ZNF713: variants seen among roughly 807,000 people sequenced by gnomAD.
ZNF713 encodes zinc finger protein 713.
In ZNF713, 21 loss-of-function variants were observed where a neutral mutation model predicts 28.7. The ratio of observed to expected loss-of-function variants is 0.73; its 90% CI spans 0.52 to 1.05. The LOEUF is 1.05. ZNF713 is among the 50% of genes least tolerant of loss of function. The pLI is 0.00. For missense variants in ZNF713, 458 were observed against 532.4 expected, an observed-to-expected ratio of 0.86 and a Z score of 1.37; for synonymous variants, 167 against 178.0, an observed-to-expected ratio of 0.94 and a Z score of 0.49.
chr7:55,919,101 G>A (rs1785937074), intron 4 of ZNF713, among the ~76,000 whole-genome samples: 2 of 152,122 alleles, frequency 1.3e-5, no homozygotes. Flanking sequence ...GGCAGTTTCT[G>A]GCTGCCTAAA....
In ZNF713 at chr7:55,899,439, G is replaced by A. The variant is rs947763942; in HGVS notation, c.-582-6814G>A. Among the ~76,000 whole-genome samples the A allele has an allele frequency of 4.1e-5, 6 of 145,870 alleles. No individual in the cohort carries two copies. The South Asian group carries it at 6.9e-4, about 17-fold the overall frequency. On this transcript the variant is annotated intron_variant, in intron 1 of 6. Transcript: ENST00000429591. The stretch of plus-strand genomic sequence containing the variant: ...CAGCACTTTGGGAGGCCGAGGGGGG[G>A]GGGGGGGTTGATCACAAGGTCAGGA...
At chr7:55,937,326 A>ATTAAAT (rs1346540900) in intron 6 of ZNF713, among the ~76,000 whole-genome samples, 11 of 151,958 alleles carry the variant, frequency 7.2e-5, no homozygotes, top group African/African-American at 2.4e-4. Context: ...TAAAATTAAA[A>ATTAAAT]TTAAAAAAAA....
intron 1 of ZNF713, among the ~76,000 whole-genome samples, chr7:55,900,215 C>T (rs564234756): frequency 6.6e-5 from 10 of 152,146 alleles, no homozygotes; most frequent in African/African-American, 9.7e-5. Context: ...CCCCTGTAAT[C>T]GCAGCACTTT....
chr7:55,930,422 G>T (rs886906603), intron 6 of ZNF713, among the ~76,000 whole-genome samples: 1 of 152,208 alleles, frequency 6.6e-6, no homozygotes, highest in Non-Finnish European at 1.5e-5. Context: ...CACATACCTT[G>T]TTTGGTGTTG....
intron 4 of ZNF713, among the ~76,000 whole-genome samples, chr7:55,920,070 T>C (rs1785967139): frequency 6.6e-6 from 1 of 152,160 alleles, no homozygotes; most frequent in South Asian, 2.1e-4. Flanking sequence ...CACAGCAATA[T>C]TGAAATTAGG....
intron 2 of ZNF713, among the ~76,000 whole-genome samples, chr7:55,909,973 G>A (rs962929055): frequency 7.9e-6 from 1 of 126,914 alleles, no homozygotes; most frequent in Non-Finnish European, 1.8e-5. Context: ...ATACGTTTAT[G>A]TGTGTGTGTG....
At chr7:55,926,922 G>C (rs2116248123) in intron 6 of ZNF713, among the ~76,000 whole-genome samples, 1 of 152,266 alleles carries the variant, frequency 6.6e-6, no homozygotes, top group South Asian at 2.1e-4. Flanking sequence ...TGGATCACAA[G>C]GTCAGGAGTT....
chr7:55,939,428 G>T lies in ZNF713; in HGVS notation c.754G>T (p.Asp252Tyr), dbSNP rs1156660469. The part of the protein sequence containing the change: ...KIFNQHILLT[D>Y]HIHTAEKPSE... ...CTTCAATCAACATATTCTTCTTACTGATCATATTCATACTGCAGAGAAACC... is the reference window on the plus strand; with the variant it reads ...CTTCAATCAACATATTCTTCTTACTTATCATATTCATACTGCAGAGAAACC... Residue 252 changes from aspartate (D) to tyrosine (Y), a missense_variant, in exon 7 of 7, where the codon GAT becomes TAT. Physicochemically the swap from Asp to Tyr is radical, Grantham distance 160 (BLOSUM62 -3). Coordinates refer to ENST00000429591, the MANE Select transcript of ZNF713 (RefSeq NM_182633.3). 3.7e-6 allele frequency: 6 copies of T among 1,613,738 alleles called. No homozygotes were observed. The Admixed American group carries it at 6.7e-5, about 18-fold the overall frequency.
chr7:55,923,231 C>T lies in ZNF713; in HGVS notation c.157C>T (p.Gln53Ter), dbSNP rs758652453. 6.2e-7 allele frequency: 1 copy of T among 1,613,820 alleles called. No homozygotes were observed. The highest frequency in any genetic ancestry group is 1.7e-5 in the Admixed American group (1 of 59,934). Residue 53 changes from glutamine to a stop codon, truncating the protein, a stop_gained, in exon 5 of 7, where the codon CAA (glutamine) becomes TAA (stop). Transcript: ENST00000429591. LOFTEE classifies it high-confidence loss of function. The stretch of plus-strand genomic sequence containing the variant: ...GGAGTGGGACCAGCTGTACCCTGCC[C>T]AAAAGAACCTCTATCGAGACGTGAT... ...REEWDQLYPA[Q>*]KNLYRDVMLE...
chr7:55,888,419 A>G (rs1785318561), intron 1 of ZNF713, among the ~76,000 whole-genome samples: 1 of 152,178 alleles, frequency 6.6e-6, no homozygotes, highest in South Asian at 2.1e-4. Context: ...ATCTCACTTT[A>G]TCACCCAGGC....
At chr7:55,901,488 A>G (rs1306438606) in intron 1 of ZNF713, among the ~76,000 whole-genome samples, 1 of 152,238 alleles carries the variant, frequency 6.6e-6, no homozygotes, top group African/African-American at 2.4e-5. Context: ...ATTGTACTCT[A>G]TAAATATATA....
At chr7:55,924,977 C>G (rs560899878) in intron 6 of ZNF713, 2 of 151,928 alleles carry the variant, frequency 1.3e-5, no homozygotes, top group Admixed American at 6.6e-5. Context: ...ATACTCTCTT[C>G]TTTAAAGCAT....
Position 55,923,610 on chromosome 7 carries a change from A to T in ZNF713, c.218A>T (p.Tyr73Phe). The change falls in exon 6 of 7, where the codon TAT (tyrosine) becomes TTT (phenylalanine). Residue 73 changes from tyrosine to phenylalanine, a missense_variant. Physicochemically the swap from Tyr to Phe is conservative, Grantham distance 22. Transcript: ENST00000429591. ...ENYRNLVALGYQLCKPEVIAQ... is the reference protein window; with the variant it reads ...ENYRNLVALGFQLCKPEVIAQ... ...TGTATGTTACTCCTGTGAATAGGGT[A>T]TCAGCTTTGTAAGCCAGAGGTAATC... The T allele has an allele frequency of 3.8e-6, 6 of 1,599,148 alleles. No individual in the cohort carries two copies. Among genetic ancestry groups the T allele is most frequent in the Non-Finnish European group, 5.1e-6 (6 of 1,171,894 alleles).
At chr7:55,934,266 G>C (rs1335231403) in intron 6 of ZNF713, among the ~76,000 whole-genome samples, 1 of 151,848 alleles carries the variant, frequency 6.6e-6, no homozygotes, top group African/African-American at 2.4e-5. Flanking sequence ...ATGTACTTGC[G>C]CACAAAACTT....
At chr7:55,921,392 G>A (rs770315792) in intron 4 of ZNF713, among the ~76,000 whole-genome samples, 3 of 152,178 alleles carry the variant, frequency 2.0e-5, no homozygotes, top group Non-Finnish European at 2.9e-5. Flanking sequence ...TCTAGCTGCC[G>A]TAGATAGTGA....
rs756526590 is a variant in ZNF713 at position 55,940,002 on chromosome 7, C to G, written c.1328C>G (p.Thr443Arg). The G allele has an allele frequency of 6.4e-7, 1 of 1,566,464 alleles. No individual in the cohort carries two copies. Among genetic ancestry groups the G allele is most frequent in the Non-Finnish European group, 8.6e-7 (1 of 1,156,200 alleles). The change falls in exon 7 of 7, where the codon ACA becomes AGA. Residue 443 changes from threonine to arginine, a missense_variant. Physicochemically the swap from Thr to Arg is moderately conservative, Grantham distance 71 (BLOSUM62 -1). Coordinates refer to ENST00000429591, the MANE Select transcript of ZNF713 (RefSeq NM_182633.3). ...TVRHSPSFSST is the reference protein window; with the variant it reads ...TVRHSPSFSSR ...CGCCACAGTCCTTCATTTAGCAGCA[C>G]ATAACTTATGGTGGGGGAAATCAGA...
intron 6 of ZNF713, chr7:55,924,606 G>A (rs952955150): frequency 6.6e-5 from 10 of 152,304 alleles, no homozygotes; most frequent in African/African-American, 2.2e-4. Context: ...GGTCATGGTG[G>A]CTCACGCCTG....
rs55656709 is a variant in ZNF713 at position 55,919,490 on chromosome 7, G to GTTTTTTTTTTTTTTTTTTTT, written c.88-3658_88-3639dup. Among the ~76,000 whole-genome samples the GTTTTTTTTTTTTTTTTTTTT allele has an allele frequency of 1.4e-3, 95 of 66,728 alleles. 6 individuals carry two copies. Among genetic ancestry groups the GTTTTTTTTTTTTTTTTTTTT allele is most frequent in the Non-Finnish European group, 2.3e-3 (75 of 32,194 alleles). The allele number at this position is 66,728 out of a possible 152,430, so 43.8% of individuals were successfully genotyped here. ...GCTGGATAAATTGGTAAACACTCCA[G>GTTTTTTTTTTTTTTTTTTTT]TTTTTTTTTTTTTTTTTTTTTTTTT... On this transcript the variant is annotated intron_variant, in intron 4 of 6. Transcript: ENST00000429591.
At position 55,928,699 on chromosome 7, in the gene ZNF713, G is replaced by C. The variant is rs1386847703; in HGVS notation, c.307+5000G>C. On this transcript the variant is annotated intron_variant, in intron 6 of 6. Transcript: ENST00000429591. ...GAACTGAAAAAAATAAAACACCTAG[G>C]AATAAACTTCAACAAGAGATATGCA... is the stretch of plus-strand genomic sequence containing the variant. 2.0e-5 allele frequency among the ~76,000 whole-genome samples: 3 copies of C among 152,062 alleles called. No homozygotes were observed. The East Asian group carries it at 5.8e-4, about 29-fold the overall frequency.
Sources: gnomAD v4.1 joint callset for allele counts (sites outside exome capture counted in the v4.1 genomes callset) on GRCh38, gnomAD v4.1.1 for gene constraint, MANE v1.5 for transcripts, NCBI Gene and HGNC (gene_info 2026-07-23, HGNC 2026-07-21) for gene names.